Variants in MECOM observed in about 807,000 individuals in gnomAD.
MECOM encodes the protein histone-lysine N-methyltransferase MECOM.
Under a neutral mutation model 116.3 loss-of-function variants are expected in MECOM, and 13 were observed. The ratio of observed to expected loss-of-function variants is 0.11; its 90% CI spans 0.07 to 0.18. The LOEUF (loss-of-function observed/expected upper bound fraction) is 0.18, where lower values mean the gene tolerates loss of function less well. MECOM is among the 10% of genes least tolerant of loss of function. The pLI is 1.00. For synonymous variants in MECOM, 528 were observed against 535.2 expected (o/e 0.99, Z 0.19); for missense variants, 1,299 against 1,509.0 (o/e 0.86, Z 2.31).
intron 2 of MECOM, among the ~76,000 whole-genome samples, chr3:169,320,796 T>C (rs991023404): frequency 5.9e-5 from 9 of 152,246 alleles, no homozygotes; most frequent in Non-Finnish European, 1.2e-4. Context: ...AGAACTGTTA[T>C]ATTGTGTTTT....
At chr3:169,616,719 T>C (rs1009357354) in intron 1 of MECOM, among the ~76,000 whole-genome samples, 3 of 152,228 alleles carry the variant, frequency 2.0e-5, no homozygotes, top group Non-Finnish European at 4.4e-5. Context: ...CTACATCACC[T>C]ACCTCCTGCT....
At chr3:169,485,818 AAT>A (rs1391296710) in intron 1 of MECOM, among the ~76,000 whole-genome samples, 2 of 144,730 alleles carry the variant, frequency 1.4e-5, no homozygotes, top group African/African-American at 2.6e-5. Flanking sequence ...TCTTCCTCTA[AAT>A]ATATATATGT....
At chr3:169,277,093 C>G (rs1378420714) in intron 2 of MECOM, among the ~76,000 whole-genome samples, 1 of 152,072 alleles carries the variant, frequency 6.6e-6, no homozygotes, top group Non-Finnish European at 1.5e-5. Context: ...TACTTCCCCT[C>G]TTTTAGATTA....
At chr3:169,569,007 T>C (rs1264708307) in intron 1 of MECOM, among the ~76,000 whole-genome samples, 2 of 152,070 alleles carry the variant, frequency 1.3e-5, no homozygotes, top group African/African-American at 4.8e-5. Context: ...ACCTTAAATA[T>C]AAACAGGCTA....
chr3:169,640,414 A>G (rs79121759), intron 1 of MECOM, among the ~76,000 whole-genome samples: 3,498 of 152,310 alleles, frequency 0.023, 66 homozygotes, highest in South Asian at 0.056. Context: ...TTTAATGACT[A>G]CTACTAAGGT....
At chr3:169,436,692 A>AC (rs1467773497) in intron 1 of MECOM, among the ~76,000 whole-genome samples, 5 of 152,208 alleles carry the variant, frequency 3.3e-5, no homozygotes, top group African/African-American at 1.2e-4. Context: ...TCAGTGCCTA[A>AC]TACAGTAACT....
chr3:169,146,666 G>C (rs2149308852), intron 2 of MECOM: 1 of 1,341,220 alleles, frequency 7.5e-7, no homozygotes, highest in South Asian at 1.2e-5. Context: ...TGTCCGAAGT[G>C]ACAAACTTTC....
intron 1 of MECOM, among the ~76,000 whole-genome samples, chr3:169,409,634 G>GT (rs1737237197): frequency 6.6e-6 from 1 of 152,104 alleles, no homozygotes; most frequent in Admixed American, 6.6e-5. Context: ...AAATACATTT[G>GT]TTTTTCAAAT....
chr3:169,132,755 C>CTT (rs371541265), intron 3 of MECOM, among the ~76,000 whole-genome samples: 226 of 139,182 alleles, frequency 1.6e-3, no homozygotes, highest in African/African-American at 3.4e-3. Flanking sequence ...TTTTTCTTTT[C>CTT]TTTTTTTTTT....
intron 1 of MECOM, among the ~76,000 whole-genome samples, chr3:169,531,278 G>C (rs543297899): frequency 1.3e-5 from 2 of 152,318 alleles, no homozygotes; most frequent in South Asian, 4.1e-4. Context: ...ACACTTAACT[G>C]TTTCATGAGG....
intron 1 of MECOM, among the ~76,000 whole-genome samples, chr3:169,445,476 C>T (rs753838625): frequency 8.5e-5 from 13 of 152,184 alleles, no homozygotes; most frequent in Non-Finnish European, 1.8e-4. Context: ...GGTTTGGGAA[C>T]CTCTGCCTAG....
At chr3:169,446,774 G>A (rs1744704356) in intron 1 of MECOM, among the ~76,000 whole-genome samples, 2 of 152,082 alleles carry the variant, frequency 1.3e-5, no homozygotes, top group Admixed American at 6.5e-5. Flanking sequence ...CATATACCTG[G>A]TGTCAGAACC....
chr3:169,607,351 A>G (rs974811824), intron 1 of MECOM, among the ~76,000 whole-genome samples: 10 of 152,252 alleles, frequency 6.6e-5, no homozygotes, highest in African/African-American at 2.2e-4. Context: ...CTTAAAGCCA[A>G]TGTCTCTTCA....
intron 2 of MECOM, among the ~76,000 whole-genome samples, chr3:169,284,277 C>T (rs1015710178): frequency 2.6e-5 from 4 of 152,176 alleles, no homozygotes; most frequent in African/African-American, 9.7e-5. Flanking sequence ...AATTACCTTT[C>T]GGAAACCACG....
intron 8 of MECOM, among the ~76,000 whole-genome samples, chr3:169,115,126 G>A (rs1342835309): frequency 8.6e-5 from 13 of 151,990 alleles, no homozygotes; most frequent in Admixed American, 8.5e-4. Context: ...CAAAAAAAGT[G>A]TTTAAAAATA....
At chr3:169,327,171 C>A (rs911146534) in intron 2 of MECOM, among the ~76,000 whole-genome samples, 1 of 152,134 alleles carries the variant, frequency 6.6e-6, no homozygotes, top group African/African-American at 2.4e-5. Context: ...GAAACAAATG[C>A]TCTACCTTGC....
At position 169,611,622 on chromosome 3, in the gene MECOM, G is replaced by A. The variant is rs79844641; in HGVS notation, c.37+51714C>T. On this transcript the variant is annotated intron_variant, in intron 1 of 16. Transcript: ENST00000651503. The surrounding 1 kb of genome is among the most constrained non-coding windows in gnomAD (Gnocchi z 4.1). ...TTGCTTTCCTTCTGACTTAAAGAGC[G>A]TTCCTATAACAGCTAATAATCTCTG... Among the ~76,000 whole-genome samples, 1,463 of 152,202 alleles carry A rather than the reference G, an allele frequency of 9.6e-3. 10 individuals carry two copies. The highest frequency in any genetic ancestry group is 0.016 in the Non-Finnish European group (1,087 of 68,006).
At chr3:169,085,148 G>T in intron 16 of MECOM, 105 bp from the exon 17 acceptor site, 1 of 1,391,168 alleles carries the variant, frequency 7.2e-7, no homozygotes, top group African/African-American at 1.4e-5. Flanking sequence ...CCTGAGTAGG[G>T]GCATCCTTCA....
At chr3:169,608,186 G>C (rs1295892675) in intron 1 of MECOM, among the ~76,000 whole-genome samples, 2 of 152,192 alleles carry the variant, frequency 1.3e-5, no homozygotes, top group East Asian at 1.9e-4. Context: ...ACCACAGTGA[G>C]AGCTGACCTA....
Sources: allele counts gnomAD v4.1 joint callset (sites outside exome capture counted in the v4.1 genomes callset), GRCh38; gene constraint gnomAD v4.1.1; non-coding constraint Gnocchi (gnomAD v3.1); transcripts MANE v1.5; gene names NCBI Gene and HGNC (gene_info 2026-07-23, HGNC 2026-07-21).